The following ST6GAL1 variants were observed in gnomAD, a reference collection of about 807,000 sequenced individuals.
ST6GAL1 encodes the protein ST6 beta-galactoside alpha-2,6-sialyltransferase 1.
A neutral mutation model predicts 38.0 loss-of-function variants in ST6GAL1; 20 were observed. The ratio of observed to expected loss-of-function variants is 0.53; its 90% CI spans 0.37 to 0.77. The LOEUF is 0.77. ST6GAL1 is among the 30% of genes least tolerant of loss of function. The pLI is 0.00. For missense variants in ST6GAL1, 432 were observed against 496.4 expected (o/e 0.87, Z 1.23); for synonymous variants, 196 against 188.2 (o/e 1.04, Z -0.34).
chr3:187,070,328 AGGG>A (rs561744077), intron 5 of ST6GAL1, among the ~76,000 whole-genome samples: 1 of 151,574 alleles, frequency 6.6e-6, no homozygotes, highest in Non-Finnish European at 1.5e-5. Context: ...TCACACATTC[AGGG>A]GTTTGCACGT....
chr3:186,983,901 A>C (rs1715775794), intron 2 of ST6GAL1, among the ~76,000 whole-genome samples: 1 of 152,134 alleles, frequency 6.6e-6, no homozygotes, highest in South Asian at 2.1e-4. Context: ...TCTCATGCTG[A>C]TAACTCCCAA....
intron 1 of ST6GAL1, among the ~76,000 whole-genome samples, chr3:186,932,117 G>T (rs1210364753): frequency 1.4e-5 from 2 of 146,262 alleles, no homozygotes; most frequent in Non-Finnish European, 3.0e-5. Context: ...ACCTTGGCTA[G>T]TGTGGCTGAA....
chr3:186,932,199 G>A (rs1713782901), intron 1 of ST6GAL1, among the ~76,000 whole-genome samples: 1 of 152,222 alleles, frequency 6.6e-6, no homozygotes, highest in South Asian at 2.1e-4. Flanking sequence ...AAGGTCTAGA[G>A]AGCATCTAGG....
chr3:186,949,199 AC>A (rs1429535077), intron 1 of ST6GAL1, among the ~76,000 whole-genome samples: 1 of 152,094 alleles, frequency 6.6e-6, no homozygotes, highest in Admixed American at 6.6e-5. Context: ...CAAGCTTGGG[AC>A]CTTGTTCTTC....
chr3:187,061,446 C>T (rs1718911282), intron 5 of ST6GAL1, among the ~76,000 whole-genome samples: 1 of 151,972 alleles, frequency 6.6e-6, no homozygotes, highest in South Asian at 2.1e-4. Flanking sequence ...AAGAATAAAG[C>T]TGGAGTTCTC....
chr3:187,000,800 T>G (rs1716592773), intron 2 of ST6GAL1, among the ~76,000 whole-genome samples: 1 of 152,210 alleles, frequency 6.6e-6, no homozygotes, highest in South Asian at 2.1e-4. Context: ...CTGAGGTATT[T>G]TCGTAAGGTT....
intron 1 of ST6GAL1, among the ~76,000 whole-genome samples, chr3:186,941,511 C>A (rs868093895): frequency 6.6e-6 from 1 of 152,048 alleles, no homozygotes; most frequent in Non-Finnish European, 1.5e-5. Flanking sequence ...AAATAAGAGG[C>A]ATCCTTTTCA....
chr3:187,014,629 C>T (rs1367385873), intron 2 of ST6GAL1, among the ~76,000 whole-genome samples: 1 of 152,188 alleles, frequency 6.6e-6, no homozygotes, highest in Non-Finnish European at 1.5e-5. Flanking sequence ...GTTTTGAGGA[C>T]TTGCTTATGG....
Position 186,961,155 on chromosome 3 carries a change from T to C in ST6GAL1, c.-324-2630T>C, listed in dbSNP as rs912279915. Among the ~76,000 whole-genome samples, 45 of 152,218 alleles carry C rather than the reference T, an allele frequency of 3.0e-4. 1 individual carries two copies. Among genetic ancestry groups the C allele is most frequent in the South Asian group, 8.3e-4 (4 of 4,826 alleles). ...CATGCCTGGCTAATTTTTGTGTTTT[T>C]AGTAGAGACAGGGTTTCACCATGTT... On this transcript the variant is annotated intron_variant, in intron 1 of 7. Transcript: ENST00000169298.
intron 5 of ST6GAL1, among the ~76,000 whole-genome samples, chr3:187,064,184 T>C (rs935685349): frequency 1.3e-5 from 2 of 152,188 alleles, no homozygotes. Context: ...CTCATACAGA[T>C]ATTAAAAATG....
At chr3:186,966,966 TATCTC>T (rs974689325) in intron 2 of ST6GAL1, among the ~76,000 whole-genome samples, 226 of 152,292 alleles carry the variant, frequency 1.5e-3, no homozygotes, top group African/African-American at 5.3e-3. Context: ...CCCTGCCAAA[TATCTC>T]AGCTTGTTTG....
intron 1 of ST6GAL1, among the ~76,000 whole-genome samples, chr3:186,931,797 G>A (rs978191791): frequency 4.6e-5 from 7 of 152,160 alleles, no homozygotes; most frequent in Non-Finnish European, 1.0e-4. Context: ...ATGCATTTTC[G>A]CAAGCAAGGC....
At chr3:186,939,751 G>A (rs1007555900) in intron 1 of ST6GAL1, among the ~76,000 whole-genome samples, 4 of 152,124 alleles carry the variant, frequency 2.6e-5, no homozygotes, top group Non-Finnish European at 4.4e-5. Context: ...CTCTCATGCC[G>A]AAGATGTGGT....
chr3:186,934,189 T>C (rs953374261), intron 1 of ST6GAL1, among the ~76,000 whole-genome samples: 1 of 152,200 alleles, frequency 6.6e-6, no homozygotes, highest in Non-Finnish European at 1.5e-5. Context: ...CGGAAGATGC[T>C]CAGGCCATAG....
At chr3:186,987,206 A>AAGGAG (rs1250336946) in intron 2 of ST6GAL1, among the ~76,000 whole-genome samples, 2 of 146,404 alleles carry the variant, frequency 1.4e-5, no homozygotes, top group Admixed American at 1.3e-4. Context: ...GAGGGAAGGA[A>AAGGAG]AGAAAAGGAA....
chr3:187,017,343 G>A (rs533496790), intron 2 of ST6GAL1, among the ~76,000 whole-genome samples: 1 of 152,264 alleles, frequency 6.6e-6, no homozygotes, highest in East Asian at 1.9e-4. Flanking sequence ...TACATCAGAA[G>A]CTACTGAGGG....
chr3:186,974,737 C>T (rs1173497126), intron 2 of ST6GAL1, among the ~76,000 whole-genome samples: 5 of 133,336 alleles, frequency 3.7e-5, no homozygotes, highest in East Asian at 4.1e-4. Context: ...GGGGGGGGGG[C>T]GCCCACAGCA....
At chr3:187,030,738 C>T (rs946665811) in intron 2 of ST6GAL1, among the ~76,000 whole-genome samples, 1 of 152,136 alleles carries the variant, frequency 6.6e-6, no homozygotes, top group Non-Finnish European at 1.5e-5. Context: ...CCAGCTGCAA[C>T]ACTGGATTTA....
At chr3:186,951,414 T>A (rs1329372308) in intron 1 of ST6GAL1, among the ~76,000 whole-genome samples, 1 of 152,172 alleles carries the variant, frequency 6.6e-6, no homozygotes, top group Non-Finnish European at 1.5e-5. Context: ...TGTCGCTTCA[T>A]TTTGTTGGTC....
Sources: gnomAD v4.1 joint callset for allele counts (sites outside exome capture counted in the v4.1 genomes callset) on GRCh38, gnomAD v4.1.1 for gene constraint, MANE v1.5 for transcripts, NCBI Gene and HGNC (gene_info 2026-07-23, HGNC 2026-07-21) for gene names.